The following TAFA1 variants were observed in gnomAD, a reference collection of about 807,000 sequenced individuals.
The protein encoded by TAFA1 is TAFA chemokine like family member 1, also known as chemokine-like protein TAFA-1.
A neutral mutation model predicts 18.5 loss-of-function variants in TAFA1; 4 were observed. That is an observed-to-expected ratio of 0.22 (90% CI 0.11 to 0.49). The LOEUF is 0.49. Ranked by LOEUF, TAFA1 falls within the 20% of genes least tolerant of loss-of-function variation. The pLI, the probability that TAFA1 is intolerant of heterozygous loss-of-function variation, is 0.98. For synonymous variants in TAFA1, 56 were observed against 55.2 expected (o/e 1.01, Z -0.06); for missense variants, 147 against 169.0 (o/e 0.87, Z 0.72).
At chr3:68,070,789 C>G (rs1169977349) in intron 2 of TAFA1, among the ~76,000 whole-genome samples, 1 of 152,218 alleles carries the variant, frequency 6.6e-6, no homozygotes, top group Non-Finnish European at 1.5e-5. Context: ...CCACAAATCT[C>G]TAGGGCATGG....
chr3:67,995,270 A>T, the TAFA1 span, among the ~76,000 whole-genome samples: 1,721 of 152,224 alleles, frequency 0.011, 35 homozygotes, highest in African/African-American at 0.039. Context: ...GTTTTAATGC[A>T]GTGGTTTTCA....
chr3:68,220,330 T>C (rs1385035397), intron 2 of TAFA1, among the ~76,000 whole-genome samples: 1 of 152,130 alleles, frequency 6.6e-6, no homozygotes, highest in Non-Finnish European at 1.5e-5. Context: ...GATGAGAAAG[T>C]GATTAATTCA....
chr3:68,281,430 T>C (rs755554526), intron 2 of TAFA1, among the ~76,000 whole-genome samples: 5 of 151,774 alleles, frequency 3.3e-5, no homozygotes, highest in Middle Eastern at 3.2e-3. Flanking sequence ...TTATTTAAGA[T>C]AGTTTGATTT....
At chr3:68,211,185 G>T (rs1354187439) in intron 2 of TAFA1, among the ~76,000 whole-genome samples, 1 of 152,008 alleles carries the variant, frequency 6.6e-6, no homozygotes, top group Non-Finnish European at 1.5e-5. Flanking sequence ...TATCGGCTAT[G>T]CAGGTTAGTT....
chr3:68,181,569 AATT>A (rs2066201242), intron 2 of TAFA1, among the ~76,000 whole-genome samples: 2 of 152,132 alleles, frequency 1.3e-5, no homozygotes, highest in African/African-American at 4.8e-5. Context: ...CTAATAGGGT[AATT>A]ATTATTTTTT....
At chr3:68,271,563 G>T (rs577109088) in intron 2 of TAFA1, among the ~76,000 whole-genome samples, 38 of 152,118 alleles carry the variant, frequency 2.5e-4, no homozygotes, top group Non-Finnish European at 4.4e-4. Flanking sequence ...AAAATGACAC[G>T]TTCCTTATAG....
At chr3:68,183,397 C>A (rs2066230903) in intron 2 of TAFA1, among the ~76,000 whole-genome samples, 1 of 152,106 alleles carries the variant, frequency 6.6e-6, no homozygotes, top group East Asian at 1.9e-4. Flanking sequence ...AACACTCTAG[C>A]AACTTATTAT....
intron 2 of TAFA1, among the ~76,000 whole-genome samples, chr3:68,105,458 A>G (rs2065192604): frequency 6.6e-6 from 1 of 152,178 alleles, no homozygotes; most frequent in African/African-American, 2.4e-5. Flanking sequence ...ATATCACAAA[A>G]TCAAGGTGAG....
In TAFA1 at chr3:68,259,389, C is replaced by A. The variant is rs535677766; in HGVS notation, c.119-157891C>A. On this transcript the variant is annotated intron_variant, in intron 2 of 4. Transcript: ENST00000478136. ...CATTGATAGAAAAAGTGAATTTATT[C>A]TTTTGGCTTAGGAGTGACTTGGCGA... Among the ~76,000 whole-genome samples the A allele has an allele frequency of 9.2e-5, 14 of 152,274 alleles. No homozygotes were observed. In the South Asian group the frequency reaches 2.5e-3, roughly 27 times the overall value.
intron 2 of TAFA1, among the ~76,000 whole-genome samples, chr3:68,194,519 T>C (rs1242889417): frequency 1.3e-5 from 2 of 151,772 alleles, no homozygotes; most frequent in African/African-American, 4.8e-5. Flanking sequence ...TTATGAAAGA[T>C]ATATTGTACT....
intron 2 of TAFA1, among the ~76,000 whole-genome samples, chr3:68,389,698 C>A (rs1482297350): frequency 1.3e-5 from 2 of 152,044 alleles, no homozygotes; most frequent in Admixed American, 1.3e-4. Flanking sequence ...ACAGTGGGCG[C>A]AACCCACAGA....
At chr3:68,284,511 A>G (rs2107263283) in intron 2 of TAFA1, among the ~76,000 whole-genome samples, 1 of 152,336 alleles carries the variant, frequency 6.6e-6, no homozygotes, top group Middle Eastern at 3.4e-3. Context: ...AAGATTGTCC[A>G]ATCATGCTTT....
intron 2 of TAFA1, among the ~76,000 whole-genome samples, chr3:68,099,676 A>G (rs2065125526): frequency 6.6e-6 from 1 of 152,194 alleles, no homozygotes; most frequent in Admixed American, 6.5e-5. Flanking sequence ...AAATTGTTCT[A>G]TGAAAAAGAC....
intron 2 of TAFA1, among the ~76,000 whole-genome samples, chr3:68,384,469 A>G (rs1027872390): frequency 6.6e-6 from 1 of 151,970 alleles, no homozygotes; most frequent in Non-Finnish European, 1.5e-5. Context: ...ATGTACTTGT[A>G]TGGTTTTGAG....
At chr3:68,032,643 A>G (rs1245066103) in intron 2 of TAFA1, among the ~76,000 whole-genome samples, 2 of 151,808 alleles carry the variant, frequency 1.3e-5, no homozygotes, top group Non-Finnish European at 1.5e-5. Context: ...GCCTGGTTCC[A>G]CTTCCCTTCC....
At chr3:68,120,212 TC>T (rs1484428420) in intron 2 of TAFA1, among the ~76,000 whole-genome samples, 1 of 123,780 alleles carries the variant, frequency 8.1e-6, no homozygotes, top group Admixed American at 8.6e-5. Context: ...TTTCTTTCTT[TC>T]TTTCTTTCTT....
At chr3:68,371,893 C>T (rs1056846276) in intron 2 of TAFA1, among the ~76,000 whole-genome samples, 1 of 152,140 alleles carries the variant, frequency 6.6e-6, no homozygotes, top group South Asian at 2.1e-4. Context: ...GCTAATTGCT[C>T]CCATGGGGAC....
At chr3:68,541,460 C>T (rs2073373279) in intron 4 of TAFA1, among the ~76,000 whole-genome samples, 1 of 152,124 alleles carries the variant, frequency 6.6e-6, no homozygotes, top group Non-Finnish European at 1.5e-5. Flanking sequence ...TCCATCAGAG[C>T]ACAAATATGC....
intron 2 of TAFA1, among the ~76,000 whole-genome samples, chr3:68,075,835 T>C (rs1471450725): frequency 6.6e-6 from 1 of 152,054 alleles, no homozygotes; most frequent in Non-Finnish European, 1.5e-5. Context: ...TGGCTGGGAC[T>C]ACAGGCACAT....
Sources: gnomAD v4.1 joint callset for allele counts (sites outside exome capture counted in the v4.1 genomes callset) on GRCh38, gnomAD v4.1.1 for gene constraint, MANE v1.5 for transcripts, NCBI Gene and HGNC (gene_info 2026-07-23, HGNC 2026-07-21) for gene names.